Variants in KCNB2 observed in about 807,000 individuals in gnomAD.
KCNB2 encodes the protein potassium voltage-gated channel subfamily B member 2.
KCNB2 carries 15 observed loss-of-function variants against 61.5 expected under a neutral mutation model. The ratio of observed to expected loss-of-function variants is 0.24; its 90% CI spans 0.16 to 0.38. The LOEUF is 0.38. Among genes scored for constraint, KCNB2 ranks in the 10% least tolerant of loss-of-function variants. The pLI is 1.00. For missense variants in KCNB2, 828 were observed against 1,125.2 expected, an observed-to-expected ratio of 0.74 and a Z score of 3.78; for synonymous variants, 457 against 446.0, an observed-to-expected ratio of 1.02 and a Z score of -0.31.
chr8:72,710,652 T>A (rs1256147966), intron 2 of KCNB2, among the ~76,000 whole-genome samples: 1 of 152,138 alleles, frequency 6.6e-6, no homozygotes, highest in South Asian at 2.1e-4. Flanking sequence ...CCCAATCACA[T>A]AGTGAAACTA....
intron 2 of KCNB2, among the ~76,000 whole-genome samples, chr8:72,813,703 A>G (rs1184807462): frequency 6.6e-6 from 1 of 152,226 alleles, no homozygotes; most frequent in Non-Finnish European, 1.5e-5. Flanking sequence ...TATAAAGTGG[A>G]TAGCTTAATT....
chr8:72,686,546 A>G (rs1404029806), intron 2 of KCNB2, among the ~76,000 whole-genome samples: 1 of 152,098 alleles, frequency 6.6e-6, no homozygotes, highest in African/African-American at 2.4e-5. Flanking sequence ...CATGAAAGGG[A>G]AAGAGAAGCA....
chr8:72,590,491 C>T (rs1317105232), intron 2 of KCNB2, among the ~76,000 whole-genome samples: 1 of 152,180 alleles, frequency 6.6e-6, no homozygotes, highest in Non-Finnish European at 1.5e-5. Flanking sequence ...TATCATATGA[C>T]ATACGTGCCA....
intron 2 of KCNB2, chr8:72,619,467 G>C (rs867014244): frequency 2.6e-5 from 7 of 267,110 alleles, no homozygotes; most frequent in African/African-American, 1.6e-4. Context: ...CTAATTCGTA[G>C]GTTCACCTCA....
At chr8:72,682,641 T>C (rs1438501153) in intron 2 of KCNB2, among the ~76,000 whole-genome samples, 1 of 150,792 alleles carries the variant, frequency 6.6e-6, no homozygotes, top group Admixed American at 6.6e-5. Flanking sequence ...TTTCCCAGGA[T>C]GGAATGCGGT....
chr8:72,808,643 C>T (rs371198665), intron 2 of KCNB2, among the ~76,000 whole-genome samples: 5 of 152,090 alleles, frequency 3.3e-5, no homozygotes, highest in South Asian at 2.1e-4. Context: ...AGTGTCTTTG[C>T]GGACATTTTT....
intron 2 of KCNB2, among the ~76,000 whole-genome samples, chr8:72,580,439 C>G (rs958970197): frequency 1.3e-5 from 2 of 152,168 alleles, no homozygotes; most frequent in African/African-American, 4.8e-5. Flanking sequence ...TCATTCCTTT[C>G]CTATCATTGT....
rs146889154 is a variant in KCNB2, at chr8:72,658,271, C to A, written c.579+89958C>A. 1.4e-4 allele frequency among the ~76,000 whole-genome samples: 22 copies of A among 152,206 alleles called. No homozygotes were observed. The East Asian group carries it at 4.2e-3, about 29-fold the overall frequency. ...CACAAATAATAAGAAAAAGAAACAA[C>A]TTTATTGTTAATATGTAGAAAGTTT... On this transcript the variant is annotated intron_variant, in intron 2 of 2. Transcript: ENST00000523207.
intron 2 of KCNB2, among the ~76,000 whole-genome samples, chr8:72,761,188 C>T (rs1808372999): frequency 6.6e-6 from 1 of 152,132 alleles, no homozygotes; most frequent in Non-Finnish European, 1.5e-5. Flanking sequence ...CAGAGGTGTA[C>T]TCGGAGGAGA....
chr8:72,859,532 T>C (rs1045469954), intron 2 of KCNB2, among the ~76,000 whole-genome samples: 1 of 151,858 alleles, frequency 6.6e-6, no homozygotes, highest in Non-Finnish European at 1.5e-5. Context: ...ACCTCTACAC[T>C]TTCCCAACCC....
At chr8:72,875,030 G>A (rs1185591307) in intron 2 of KCNB2, 1 of 150,556 alleles carries the variant, frequency 6.6e-6, no homozygotes, top group East Asian at 1.9e-4. Context: ...CTGGAATCCT[G>A]GAGAATATTT....
At chr8:72,561,734 T>C (rs1167918495) in intron 1 of KCNB2, among the ~76,000 whole-genome samples, 2 of 16,140 alleles carry the variant, frequency 1.2e-4, no homozygotes, top group South Asian at 1.5e-3. Context: ...TATATCTATA[T>C]CTATATATAT....
At chr8:72,545,098 C>A (rs146076383) in intron 1 of KCNB2, among the ~76,000 whole-genome samples, 1 of 152,112 alleles carries the variant, frequency 6.6e-6, no homozygotes, top group African/African-American at 2.4e-5. Flanking sequence ...ATAGGAAAAC[C>A]TCAACTCCAG....
At chr8:72,601,935 C>G (rs1805356502) in intron 2 of KCNB2, among the ~76,000 whole-genome samples, 1 of 152,132 alleles carries the variant, frequency 6.6e-6, no homozygotes, top group Non-Finnish European at 1.5e-5. Context: ...TTTACACATG[C>G]ATTTTAACTT....
At chr8:72,628,100 T>A (rs1805819954) in intron 2 of KCNB2, among the ~76,000 whole-genome samples, 1 of 152,050 alleles carries the variant, frequency 6.6e-6, no homozygotes, top group Non-Finnish European at 1.5e-5. Flanking sequence ...ACTACAGGTG[T>A]GTGTCACCAT....
In KCNB2 at chr8:72,706,621, G is replaced by A. The variant is rs145199707; in HGVS notation, c.579+138308G>A. Among the ~76,000 whole-genome samples the A allele has an allele frequency of 1.9e-3, 295 of 152,192 alleles. 3 individuals carry two copies. Among genetic ancestry groups the A allele is most frequent in the African/African-American group, 6.6e-3 (275 of 41,520 alleles). The stretch of plus-strand genomic sequence containing the variant: ...CTGGAGTCTTATTGTTTCTATCTAT[G>A]CACACTGCTGTGCTGAACACTCCAT... On this transcript the variant is annotated intron_variant, in intron 2 of 2. Transcript: ENST00000523207.
chr8:72,887,475 C>A (rs560351980), intron 2 of KCNB2, among the ~76,000 whole-genome samples: 1 of 152,178 alleles, frequency 6.6e-6, no homozygotes, highest in African/African-American at 2.4e-5. Context: ...CAGATAAACT[C>A]TGTACGAGCT....
intron 2 of KCNB2, among the ~76,000 whole-genome samples, chr8:72,890,852 G>C (rs1342625710): frequency 1.3e-5 from 2 of 152,160 alleles, no homozygotes; most frequent in Non-Finnish European, 2.9e-5. Context: ...TACTTAAATT[G>C]AGACTCTTTA....
intron 2 of KCNB2, among the ~76,000 whole-genome samples, chr8:72,786,644 A>T (rs1808849965): frequency 6.6e-6 from 1 of 152,182 alleles, no homozygotes; most frequent in South Asian, 2.1e-4. Context: ...TGTTTGATTC[A>T]TTGGACAGAT....
Sources: gnomAD v4.1 joint callset for allele counts (sites outside exome capture counted in the v4.1 genomes callset) on GRCh38, gnomAD v4.1.1 for gene constraint, MANE v1.5 for transcripts, NCBI Gene and HGNC (gene_info 2026-07-23, HGNC 2026-07-21) for gene names.